The following CACNA2D3 variants were observed in gnomAD, a reference collection of about 807,000 sequenced individuals.
The protein encoded by CACNA2D3 is calcium voltage-gated channel auxiliary subunit alpha2delta 3, also known as voltage-dependent calcium channel subunit alpha-2/delta-3.
Under a neutral mutation model 160.6 loss-of-function variants are expected in CACNA2D3, and 60 were observed. The observed-to-expected ratio is 0.37, with a 90% confidence interval of 0.30 to 0.46. The LOEUF is 0.46. CACNA2D3 is among the 20% of genes least tolerant of loss of function. The pLI, the probability that CACNA2D3 is intolerant of heterozygous loss-of-function variation, is 1.00. For missense variants in CACNA2D3, 1,205 were observed against 1,365.0 expected (o/e 0.88, Z 1.85); for synonymous variants, 558 against 492.9 (o/e 1.13, Z -1.75).
At chr3:54,756,499 CTCAAGTG>C (rs1236703146) in intron 12 of CACNA2D3, among the ~76,000 whole-genome samples, 1 of 152,144 alleles carries the variant, frequency 6.6e-6, no homozygotes, top group Non-Finnish European at 1.5e-5. Flanking sequence ...CATTTTTCAT[CTCAAGTG>C]TCATGAGGTC....
chr3:54,879,679 G>T (rs892176186), intron 20 of CACNA2D3, among the ~76,000 whole-genome samples: 1 of 152,202 alleles, frequency 6.6e-6, no homozygotes, highest in Non-Finnish European at 1.5e-5. Flanking sequence ...TTCCCGCTAA[G>T]GGTGAAGACA....
At chr3:54,540,232 C>T (rs1020660741) in intron 5 of CACNA2D3, among the ~76,000 whole-genome samples, 7 of 152,252 alleles carry the variant, frequency 4.6e-5, no homozygotes, top group South Asian at 2.1e-4. Context: ...TCCAATTCAG[C>T]GGCATCCTCA....
At chr3:54,577,693 G>T (rs1410430042) in intron 8 of CACNA2D3, among the ~76,000 whole-genome samples, 1 of 152,082 alleles carries the variant, frequency 6.6e-6, no homozygotes, top group East Asian at 1.9e-4. Flanking sequence ...ATTCTTACGT[G>T]CCAGGTTCTA....
chr3:54,347,271 A>G (rs1698476252), intron 3 of CACNA2D3, among the ~76,000 whole-genome samples: 1 of 152,220 alleles, frequency 6.6e-6, no homozygotes, highest in Admixed American at 6.5e-5. Context: ...TGGGAAAGCT[A>G]TGATTAAACC....
At chr3:54,333,436 C>G (rs1704310280) in intron 3 of CACNA2D3, among the ~76,000 whole-genome samples, 1 of 152,094 alleles carries the variant, frequency 6.6e-6, no homozygotes, top group African/African-American at 2.4e-5. Context: ...ATGTTCCCCA[C>G]TTTTCTCTGG....
At chr3:54,991,423 A>G (rs1285847880) in intron 31 of CACNA2D3, among the ~76,000 whole-genome samples, 2 of 152,022 alleles carry the variant, frequency 1.3e-5, no homozygotes, top group Non-Finnish European at 2.9e-5. Context: ...GGGTTTCACC[A>G]TGTTGGCTAG....
intron 35 of CACNA2D3, among the ~76,000 whole-genome samples, chr3:55,023,048 A>G (rs1401443307): frequency 6.6e-6 from 1 of 152,162 alleles, no homozygotes; most frequent in Non-Finnish European, 1.5e-5. Context: ...TTTTCCAAGA[A>G]TGATCTGAGA....
chr3:54,126,478 C>T (rs1347978771), intron 2 of CACNA2D3, among the ~76,000 whole-genome samples: 4 of 152,094 alleles, frequency 2.6e-5, no homozygotes, highest in Admixed American at 1.3e-4. Flanking sequence ...TGGGTTTTGC[C>T]GCTTTAGCCT....
At chr3:54,248,488 A>G (rs1314860769) in intron 2 of CACNA2D3, among the ~76,000 whole-genome samples, 3 of 151,524 alleles carry the variant, frequency 2.0e-5, no homozygotes, top group South Asian at 4.2e-4. Context: ...TCTCAAAAAA[A>G]AAAAAAAAAG....
chr3:54,256,550 G>C (rs1416702393), intron 2 of CACNA2D3, among the ~76,000 whole-genome samples: 1 of 152,106 alleles, frequency 6.6e-6, no homozygotes, highest in Non-Finnish European at 1.5e-5. Context: ...AGTTTTATTA[G>C]GGTTATGTAC....
At chr3:54,405,774 T>C (rs1408495370) in intron 4 of CACNA2D3, among the ~76,000 whole-genome samples, 3 of 151,780 alleles carry the variant, frequency 2.0e-5, no homozygotes, top group African/African-American at 7.3e-5. Flanking sequence ...AACAAAAATA[T>C]TGGGAAAAAT....
In CACNA2D3 at chr3:54,214,438, C is replaced by A. The variant is rs78829797; in HGVS notation, c.204+90844C>A. Among the ~76,000 whole-genome samples, 200 of 152,298 alleles carry A rather than the reference C, an allele frequency of 1.3e-3. 1 individual carries two copies. Among genetic ancestry groups the A allele is most frequent in the African/African-American group, 4.6e-3 (192 of 41,562 alleles). ...AGGGAGACAAGCAGAGGCCCCTTCT[C>A]CCTGGTCCCTAAGGGACAAGATCTG... On this transcript the variant is annotated intron_variant, in intron 2 of 37. Transcript: ENST00000474759.
At chr3:54,871,391 A>G (rs561649088) in intron 17 of CACNA2D3, 148 bp from the exon 18 acceptor site, 1 of 580,470 alleles carries the variant, frequency 1.7e-6, no homozygotes, top group Non-Finnish European at 3.0e-6. Flanking sequence ...AAAAGTCCCT[A>G]GGACTGTCAC....
chr3:54,998,029 C>A (rs925848301), intron 31 of CACNA2D3, among the ~76,000 whole-genome samples: 3 of 152,066 alleles, frequency 2.0e-5, no homozygotes, highest in Non-Finnish European at 2.9e-5. Flanking sequence ...TAATCTTGGA[C>A]CTGTGACTTC....
At chr3:54,249,607 G>A (rs112073171) in intron 2 of CACNA2D3, among the ~76,000 whole-genome samples, 16 of 116,360 alleles carry the variant, frequency 1.4e-4, no homozygotes, top group African/African-American at 6.7e-4. Context: ...ATTTGAACTT[G>A]CCAGTCTCAG....
chr3:54,811,465 CTTTTTTTTTTTTTTTTTTT>C (rs71096451), intron 13 of CACNA2D3, among the ~76,000 whole-genome samples: 5 of 111,554 alleles, frequency 4.5e-5, no homozygotes, highest in East Asian at 3.0e-4. Context: ...TCCCTCAGTT[CTTTTTTTTTTTTTTTTTTT>C]TTTTTTTTTT....
At chr3:54,231,573 G>A (rs1168518233) in intron 2 of CACNA2D3, among the ~76,000 whole-genome samples, 1 of 152,186 alleles carries the variant, frequency 6.6e-6, no homozygotes, top group Non-Finnish European at 1.5e-5. Context: ...ACATAACTGT[G>A]TTTAATCATG....
At chr3:54,573,777 A>G (rs1702537069) in intron 8 of CACNA2D3, among the ~76,000 whole-genome samples, 1 of 152,248 alleles carries the variant, frequency 6.6e-6, no homozygotes, top group Admixed American at 6.5e-5. Context: ...GGAGATTCCT[A>G]GCTGGCTAAT....
At chr3:54,981,812 C>A (rs572359321) in intron 29 of CACNA2D3, among the ~76,000 whole-genome samples, 3 of 152,252 alleles carry the variant, frequency 2.0e-5, no homozygotes, top group East Asian at 1.9e-4. Flanking sequence ...ACTTGCCCCC[C>A]CATTGGGTCC....
Sources: allele counts gnomAD v4.1 joint callset (sites outside exome capture counted in the v4.1 genomes callset), GRCh38; gene constraint gnomAD v4.1.1; transcripts MANE v1.5; gene names NCBI Gene and HGNC (gene_info 2026-07-23, HGNC 2026-07-21).